Variants in MBD1 observed in about 807,000 individuals in gnomAD.
MBD1 encodes methyl-CpG-binding domain protein 1.
Under a neutral mutation model 82.6 loss-of-function variants are expected in MBD1, and 25 were observed. The ratio of observed to expected loss-of-function variants is 0.30; its 90% CI spans 0.22 to 0.42. MBD1 has a LOEUF of 0.42. MBD1 is among the 10% of genes least tolerant of loss of function. MBD1 has a pLI of 1.00. For missense variants in MBD1, 627 were observed against 819.6 expected (o/e 0.76, Z 2.87); for synonymous variants, 301 against 303.7 (o/e 0.99, Z 0.09).
At chr18:50,272,994 G>C in intron 13 of MBD1, 39 bp from the exon 14 acceptor site, 2 of 1,613,308 alleles carry the variant, frequency 1.2e-6, no homozygotes, top group Admixed American at 3.3e-5. Flanking sequence ...TAGAAGGGCA[G>C]AGTTCACCTG....
Position 50,273,408 on chromosome 18 carries a change from C to G in MBD1, c.1510G>C (p.Asp504His). The G allele has an allele frequency of 6.2e-7, 1 of 1,614,226 alleles. No individual in the cohort carries two copies. Residue 504 changes from aspartate to histidine, a missense_variant, in exon 13 of 17, where the codon GAT (aspartate) becomes CAT (histidine). Asp to His is a moderately conservative substitution (Grantham distance 81). Coordinates refer to ENST00000269468, the MANE Select transcript of MBD1 (RefSeq NM_015846.4). ...ALPQVKQEKA[D>H]TQDEWTPGTA... is the part of the protein sequence containing the mutation. Reference sequence around the variant, plus strand: ...CCTGGTGTCCACTCGTCCTGGGTATCCGCCTTCTCTTGCTTCACCTGGGGT... The same window carrying G: ...CCTGGTGTCCACTCGTCCTGGGTATGCGCCTTCTCTTGCTTCACCTGGGGT...
chr18:50,280,013 G>A lies in MBD1; in HGVS notation c.-21C>T. 6.2e-7 allele frequency: 1 copy of A among 1,603,314 alleles called. No homozygotes were observed. The highest frequency in any genetic ancestry group is 1.1e-5 in the South Asian group (1 of 90,968). On this transcript the variant is annotated 5_prime_UTR_variant, in exon 2 of 17. Coordinates refer to ENST00000269468, the MANE Select transcript of MBD1 (RefSeq NM_015846.4). ...GCCATGGAGGCCACAGGAAGCAGCAGTAGCCTGAAAGGGGGTGGAAGGGAT... is the reference window on the plus strand; with the variant it reads ...GCCATGGAGGCCACAGGAAGCAGCAATAGCCTGAAAGGGGGTGGAAGGGAT...
At position 50,273,701 on chromosome 18, in the gene MBD1, C is replaced by A. The variant is rs778208215; in HGVS notation, c.1309G>T (p.Ala437Ser). Residue 437 changes from alanine (A) to serine (S), a missense_variant, in exon 12 of 17, where the codon GCT (alanine) becomes TCT (serine). By Grantham distance (99) the Ala-to-Ser change is moderately conservative. Around this residue, in one of 6 missense-constraint regions of MBD1, gnomAD observed 265 missense variants for 278.4 expected, o/e 0.95. Coordinates refer to ENST00000269468, the MANE Select transcript of MBD1 (RefSeq NM_015846.4). ...TRTAQPDHTQ[A>S]PTKQEAGGGF... ...CCACCTGCTTCCTGCTTCGTTGGAG[C>A]CTGGGTATGGTCTGGTTGGGCTGTG... The A allele has an allele frequency of 6.2e-7, 1 of 1,614,130 alleles. No individual in the cohort carries two copies. Among genetic ancestry groups the A allele is most frequent in the Admixed American group, 1.7e-5 (1 of 60,036 alleles).
chr18:50,275,960 C>T lies in MBD1; in HGVS notation c.538G>A (p.Ala180Thr). 6.2e-7 allele frequency: 1 copy of T among 1,613,180 alleles called. No individual in the cohort carries two copies. The change falls in exon 7 of 17, where the codon GCA becomes ACA. Residue 180 changes from alanine (A) to threonine (T), a missense_variant. Coordinates refer to ENST00000269468, the MANE Select transcript of MBD1 (RefSeq NM_015846.4). ...MFKRVGCGECAACQVTEDCGA... is the reference protein window; with the variant it reads ...MFKRVGCGECTACQVTEDCGA... The stretch of plus-strand genomic sequence containing the variant: ...CAGTCTTCTGTTACCTGGCAGGCTG[C>T]ACACTCCCCACAGCCCACACGCTGC...
chr18:50,269,849 A>T (rs1298155230), intron 16 of MBD1, 31 bp from the exon 17 acceptor site: 1 of 840,326 alleles, frequency 1.2e-6, no homozygotes, highest in South Asian at 1.3e-5. Flanking sequence ...TGCAAAGACA[A>T]CAGCCTTACA....
chr18:50,269,655 TTCTTCTG>T lies in MBD1; in HGVS notation c.*189_*195del. 5.3e-6 allele frequency: 4 copies of T among 755,536 alleles called. No homozygotes were observed. Among genetic ancestry groups the T allele is most frequent in the Non-Finnish European group, 7.4e-6 (3 of 403,742 alleles). 46.8% of individuals were successfully genotyped at this position (755,536 alleles called of 1,614,324 possible). A position where few individuals can be genotyped will look rare whatever the true frequency, so the allele number is the denominator to read the frequency against. On this transcript the variant is annotated 3_prime_UTR_variant, in exon 17 of 17. Coordinates refer to ENST00000269468, the MANE Select transcript of MBD1 (RefSeq NM_015846.4). ...TAACTCTGTGAGGAAGGGCACCAGCTTCTTCTGCAGGACACCCACATCATCGAAGCTG... is the reference window on the plus strand; with the variant it reads ...TAACTCTGTGAGGAAGGGCACCAGCTCAGGACACCCACATCATCGAAGCTG...
chr18:50,279,894 G>A lies in MBD1; in HGVS notation c.99C>T (p.Thr33=). The A allele has an allele frequency of 1.2e-6, 2 of 1,614,006 alleles. No homozygotes were observed. The change falls in exon 2 of 17, where the codon ACC becomes ACT. Residue 33 remains threonine, a synonymous_variant. Coordinates refer to ENST00000269468, the MANE Select transcript of MBD1 (RefSeq NM_015846.4). ...KSGATCGRSD[T]YYQSPTGDRI... The stretch of plus-strand genomic sequence containing the variant: ...TACCCACCCAGTACCTCTGGTAATA[G>A]GTGTCTGAGCGTCCACAGGTGGCCC...
chr18:50,275,251 A>C lies in MBD1; in HGVS notation c.793-6T>G. ...TTGCGGCGGGCATGTTTACCCTGGG[A>C]AAGATCAGAAAGGGTGGTTTCAGCT... is the stretch of plus-strand genomic sequence containing the variant. On this transcript the variant is annotated splice_polypyrimidine_tract_variant and splice_region_variant and intron_variant, in intron 8 of 16. Coordinates refer to ENST00000269468, the MANE Select transcript of MBD1 (RefSeq NM_015846.4). 6.2e-7 allele frequency: 1 copy of C among 1,613,844 alleles called. No individual in the cohort carries two copies.
chr18:50,274,261 G>T lies in MBD1; in HGVS notation c.1071C>A (p.Cys357Ter). Residue 357 changes from cysteine (C) to a stop codon, truncating the protein, a stop_gained, in exon 11 of 17, where the codon TGC (cysteine) becomes TGA (stop). Transcript: ENST00000269468. LOFTEE classifies it high-confidence loss of function. ...RMDCGRCDFCCDKPKFGGSNQ... is the reference protein window; with the variant it reads ...RMDCGRCDFC ...TGCTGCCCCCGAATTTGGGCTTGTC[G>T]CAGCAGAAGTCGCAGCGGCCACAGT... The T allele has an allele frequency of 6.2e-7, 1 of 1,614,120 alleles. No individual in the cohort carries two copies. Among genetic ancestry groups the T allele is most frequent in the Non-Finnish European group, 8.5e-7 (1 of 1,180,038 alleles).
Position 50,273,369 on chromosome 18 carries a change from T to C in MBD1, c.1549A>G (p.Thr517Ala). The C allele has an allele frequency of 6.2e-7, 1 of 1,614,132 alleles. No individual in the cohort carries two copies. The highest frequency in any genetic ancestry group is 1.1e-5 in the South Asian group (1 of 91,088). The change falls in exon 13 of 17, where the codon ACT becomes GCT. Residue 517 changes from threonine (T) to alanine (A), a missense_variant. Physicochemically the swap from Thr to Ala is moderately conservative, Grantham distance 58. Coordinates refer to ENST00000269468, the MANE Select transcript of MBD1 (RefSeq NM_015846.4). ...DEWTPGTAVL[T>A]SPVLVPGCPS... ...CAGCCAGGCACCAATACGGGAGAAG[T>C]CAGGACAGCTGTGCCTGGTGTCCAC...
At position 50,274,296 on chromosome 18, in the gene MBD1, G is replaced by A. The variant is rs1568217739; in HGVS notation, c.1036C>T (p.Arg346Trp). 3 of 1,613,996 alleles carry A rather than the reference G, an allele frequency of 1.9e-6. No individual in the cohort carries two copies. Among genetic ancestry groups the A allele is most frequent in the Non-Finnish European group, 1.7e-6 (2 of 1,180,020 alleles). Residue 346 changes from arginine to tryptophan, a missense_variant, in exon 11 of 17, where the codon CGG (arginine) becomes TGG (tryptophan). By Grantham distance (101) the Arg-to-Trp change is moderately radical. Transcript: ENST00000269468. The stretch of plus-strand genomic sequence containing the variant: ...TCGCAGCGGCCACAGTCCATCCGCC[G>A]TAGGCAGGCTGCACAGGCCCCGCAC... ...RKCGACAACL[R>W]RMDCGRCDFC...
rs753082327 is a variant in MBD1 at position 50,273,770 on chromosome 18, G to A, written c.1240C>T (p.Arg414Trp). ...TTCAAGGTAGGGCCAAGATGGTGCC[G>A]TCGGGCAGAGCTGGGCCTCTTTCGA... is the stretch of plus-strand genomic sequence containing the variant. The part of the protein sequence containing the change: ...RRRKRPSSAR[R>W]HHLGPTLKPT... The change falls in exon 12 of 17, where the codon CGG (arginine) becomes TGG (tryptophan). Residue 414 changes from arginine to tryptophan, a missense_variant. This residue lies in a region of MBD1 where 265 missense variants were observed against 278.4 expected (regional missense o/e 0.95). Transcript: ENST00000269468. 18 of 1,613,976 alleles carry A rather than the reference G, an allele frequency of 1.1e-5. No individual in the cohort carries two copies. Among genetic ancestry groups the A allele is most frequent in the South Asian group, 9.9e-5 (9 of 91,094 alleles).
intron 2 of MBD1, 173 bp downstream of exon 2, chr18:50,279,710 T>C: frequency 1.2e-6 from 1 of 867,362 alleles, no homozygotes; most frequent in Admixed American, 2.5e-5. Context: ...TAGTGACTTT[T>C]AAGTTACAAA....
In MBD1 at chr18:50,274,325, C is replaced by T; in HGVS notation, c.1007G>A (p.Arg336His). 1.2e-6 allele frequency: 2 copies of T among 1,613,564 alleles called. No individual in the cohort carries two copies. Among genetic ancestry groups the T allele is most frequent in the Non-Finnish European group, 1.7e-6 (2 of 1,179,894 alleles). ...GCAGGCTGCACAGGCCCCGCACTTGCGGTTCTGCCGGCGGTTCGTGTAGGG... is the reference window on the plus strand; with the variant it reads ...GCAGGCTGCACAGGCCCCGCACTTGTGGTTCTGCCGGCGGTTCGTGTAGGG... ...LQPYTNRRQN[R>H]KCGACAACLR... Residue 336 changes from arginine to histidine, a missense_variant, in exon 11 of 17, where the codon CGC becomes CAC. By Grantham distance (29) the Arg-to-His change is conservative. Around this residue, in one of 6 missense-constraint regions of MBD1, gnomAD observed 228 missense variants for 318.1 expected, o/e 0.72. Coordinates refer to ENST00000269468, the MANE Select transcript of MBD1 (RefSeq NM_015846.4).
intron 1 of MBD1, 123 bp from the exon 2 acceptor site, chr18:50,280,140 C>T (rs1207645588): frequency 1.5e-5 from 13 of 842,696 alleles, no homozygotes; most frequent in Non-Finnish European, 2.0e-5. Context: ...CTGCCACAGG[C>T]AACCAGCCCA....
intron 1 of MBD1, 51 bp downstream of exon 1, chr18:50,281,312 T>A: frequency 7.9e-7 from 1 of 1,264,292 alleles, no homozygotes; most frequent in Non-Finnish European, 1.1e-6. Context: ...CACAATTCCT[T>A]CCCATCCTCC....
Position 50,275,404 on chromosome 18 carries a change from T to G in MBD1, c.793-159A>C, listed in dbSNP as rs200654180. Reference sequence around the variant, plus strand: ...AGCCACAGCCAGGGGAGTGCGTCGCTGACATCTCTGATGACGGCGACGCAG... The same window carrying G: ...AGCCACAGCCAGGGGAGTGCGTCGCGGACATCTCTGATGACGGCGACGCAG... On this transcript the variant is annotated intron_variant, in intron 8 of 16. Coordinates refer to ENST00000269468, the MANE Select transcript of MBD1 (RefSeq NM_015846.4). The G allele has an allele frequency of 7.3e-4, 1,178 of 1,606,856 alleles. 1 individual carries two copies. Among genetic ancestry groups the G allele is most frequent in the Non-Finnish European group, 9.6e-4 (1,126 of 1,177,384 alleles).
intron 16 of MBD1, chr18:50,270,299 A>G (rs2034982685): frequency 1.3e-6 from 1 of 794,432 alleles, no homozygotes; most frequent in Non-Finnish European, 2.2e-6. Flanking sequence ...TTAAGGAGGC[A>G]CTCACTCAGT....
At position 50,275,747 on chromosome 18, in the gene MBD1, T is replaced by A; in HGVS notation, c.664-19A>T. 1 of 1,613,998 alleles carries A rather than the reference T, an allele frequency of 6.2e-7. No homozygotes were observed. Among genetic ancestry groups the A allele is most frequent in the Non-Finnish European group, 8.5e-7 (1 of 1,179,960 alleles). On this transcript the variant is annotated intron_variant, in intron 7 of 16. Transcript: ENST00000269468. ...CTCGGCTCTGTTGGCGGGGGGCAGG[T>A]GGGAGCAGAGGCATGAAGCATGGGG...
Sources: allele counts gnomAD v4.1 joint callset, GRCh38; gene constraint gnomAD v4.1.1; regional missense constraint gnomAD v4.1.1; transcripts MANE v1.5; gene names NCBI Gene and HGNC (gene_info 2026-07-23, HGNC 2026-07-21).